SPMAP2: variants seen among roughly 807,000 people sequenced by gnomAD.
SPMAP2 encodes Theg homolog.
the SPMAP2 span, among the ~76,000 whole-genome samples, chr19:369,363 G>A: frequency 3.9e-5 from 6 of 152,072 alleles, no homozygotes; most frequent in East Asian, 1.9e-4. Context: ...AATGCAAGAC[G>A]GCGGCCAGGA....
At chr19:375,478 G>T in the SPMAP2 span, among the ~76,000 whole-genome samples, 2 of 152,134 alleles carry the variant, frequency 1.3e-5, no homozygotes, top group African/African-American at 2.4e-5. Flanking sequence ...AGGGGTGCTG[G>T]CCGCCAACCG....
the SPMAP2 span, among the ~76,000 whole-genome samples, chr19:370,767 C>T: frequency 1.2e-4 from 18 of 152,312 alleles, no homozygotes; most frequent in South Asian, 6.2e-4. Flanking sequence ...AATAAACTAC[C>T]GACGCACGCG....
At chr19:370,989 C>T in the SPMAP2 span, among the ~76,000 whole-genome samples, 1 of 152,196 alleles carries the variant, frequency 6.6e-6, no homozygotes, top group African/African-American at 2.4e-5. Context: ...GAGCTGGAAG[C>T]TTTGGGATCC....
At chr19:375,582 G>A in the SPMAP2 span, 6 of 1,391,136 alleles carry the variant, frequency 4.3e-6, no homozygotes, top group Non-Finnish European at 5.8e-6. Flanking sequence ...CGCCCGCCCA[G>A]GGGGCTGCTG....
At chr19:362,427 C>T in the SPMAP2 span, 1 of 1,597,584 alleles carries the variant, frequency 6.3e-7, no homozygotes, top group Non-Finnish European at 8.5e-7. Context: ...GCTTTGGGCC[C>T]TAGTGGGGGC....
At chr19:374,506 A>G in the SPMAP2 span, 2 of 1,573,922 alleles carry the variant, frequency 1.3e-6, no homozygotes, top group South Asian at 2.4e-5. Context: ...GTCTTGCTCA[A>G]GCGCCTTTTG....
the SPMAP2 span, chr19:375,751 A>G: frequency 2.5e-6 from 4 of 1,606,094 alleles, no homozygotes; most frequent in Non-Finnish European, 3.4e-6. Flanking sequence ...GTCTCCGGGA[A>G]CTCCTCCCCG....
chr19:369,721 A>G, the SPMAP2 span, among the ~76,000 whole-genome samples: 7 of 152,200 alleles, frequency 4.6e-5, no homozygotes, highest in East Asian at 1.9e-4. Context: ...TGGATTATCA[A>G]TTGTTCTTAT....
the SPMAP2 span, among the ~76,000 whole-genome samples, chr19:369,401 G>A: frequency 8.6e-5 from 13 of 150,962 alleles, no homozygotes; most frequent in Non-Finnish European, 1.8e-4. Flanking sequence ...TCCACTCCCC[G>A]CCCGGAGAAT....
chr19:370,508 ATT>A, the SPMAP2 span, among the ~76,000 whole-genome samples: 7 of 141,428 alleles, frequency 4.9e-5, no homozygotes, highest in Admixed American at 2.1e-4. Context: ...CCCCCGGCTA[ATT>A]TTTTTTTTTT....
chr19:371,380 G>A, the SPMAP2 span: 10 of 656,680 alleles, frequency 1.5e-5, no homozygotes. Context: ...GTGTGTGTGT[G>A]TGTGTGTGTG....
At chr19:373,579 C>T in the SPMAP2 span, 2 of 1,588,812 alleles carry the variant, frequency 1.3e-6, no homozygotes, top group South Asian at 1.1e-5. Flanking sequence ...GAGCCCTGGC[C>T]CTGCCCGGAA....
chr19:368,367 G>C, the SPMAP2 span, among the ~76,000 whole-genome samples: 1 of 151,958 alleles, frequency 6.6e-6, no homozygotes, highest in East Asian at 1.9e-4. This position sits in a 1 kb window ranked among gnomAD's most constrained non-coding sequence, Gnocchi z 4.1. Context: ...GTACACGTGT[G>C]TAGGAGTCCG....
At chr19:374,955 A>G in the SPMAP2 span, among the ~76,000 whole-genome samples, 1 of 151,334 alleles carries the variant, frequency 6.6e-6, no homozygotes, top group Admixed American at 6.6e-5. Flanking sequence ...ATCCCCTCAC[A>G]CTCCTGCTGT....
At chr19:374,564 C>G in the SPMAP2 span, 2 of 1,198,864 alleles carry the variant, frequency 1.7e-6, no homozygotes, top group Non-Finnish European at 1.1e-6. Context: ...CGAGGGGTCT[C>G]TGAGGGAGGA....
the SPMAP2 span, chr19:373,406 G>C: frequency 6.6e-7 from 1 of 1,518,142 alleles, no homozygotes. Flanking sequence ...AGATGGGGCG[G>C]GGCAGGTTCC....
the SPMAP2 span, chr19:362,425 C>T: frequency 6.3e-7 from 1 of 1,598,854 alleles, no homozygotes; most frequent in Non-Finnish European, 8.5e-7. Context: ...GAGCTTTGGG[C>T]CCTAGTGGGG....
At chr19:372,891 A>G in the SPMAP2 span, among the ~76,000 whole-genome samples, 1 of 152,220 alleles carries the variant, frequency 6.6e-6, no homozygotes, top group Non-Finnish European at 1.5e-5. Flanking sequence ...TTTAGGGACA[A>G]TGGGCTCAGA....
the SPMAP2 span, among the ~76,000 whole-genome samples, chr19:368,714 C>G: frequency 1.3e-5 from 2 of 152,188 alleles, no homozygotes; most frequent in Non-Finnish European, 2.9e-5. This position sits in a 1 kb window ranked among gnomAD's most constrained non-coding sequence, Gnocchi z 4.1. Context: ...ATTGCTCCCC[C>G]ATAAAAATCA....
Sources: allele counts gnomAD v4.1 joint callset (sites outside exome capture counted in the v4.1 genomes callset), GRCh38; gene constraint gnomAD v4.1.1; non-coding constraint Gnocchi (gnomAD v3.1); transcripts MANE v1.5; gene names NCBI Gene and HGNC (gene_info 2026-07-23, HGNC 2026-07-21).